Variants in ARID1B observed in about 807,000 individuals in gnomAD.
The protein encoded by ARID1B is AT-rich interactive domain-containing protein 1B.
Under a neutral mutation model 212.3 loss-of-function variants are expected in ARID1B, and 30 were observed. The observed-to-expected ratio is 0.14, with a 90% CI of 0.11 to 0.19. The LOEUF is 0.19. Among genes scored for constraint, ARID1B ranks in the 10% least tolerant of loss-of-function variants. The pLI is 1.00. For missense variants in ARID1B, 2,891 were observed against 3,204.0 expected (o/e 0.90, Z 2.36); for synonymous variants, 1,402 against 1,301.7 (o/e 1.08, Z -1.66).
chr6:156,862,044 G>C (rs1785369606), intron 2 of ARID1B, among the ~76,000 whole-genome samples: 1 of 152,250 alleles, frequency 6.6e-6, no homozygotes, highest in South Asian at 2.1e-4. Context: ...GGAGGAACAG[G>C]TCTAAGGGAA....
chr6:157,200,486 G>T lies in ARID1B; in HGVS notation c.4480-219G>T, dbSNP rs923785282. Among the ~76,000 whole-genome samples the T allele has an allele frequency of 6.6e-6, 1 of 151,944 alleles. No individual in the cohort carries two copies. Among genetic ancestry groups the T allele is most frequent in the Non-Finnish European group, 1.5e-5 (1 of 67,956 alleles). On this transcript the variant is annotated intron_variant, in intron 17 of 19. Transcript: ENST00000636930. This position sits in a 1 kb window ranked among gnomAD's most constrained non-coding sequence, Gnocchi z 4.3. ...TTTTTCCACAGGAAGTTTCAAACAC[G>T]TGAAAACAAACTTTGGATGCTCTCT...
At position 156,778,220 on chromosome 6, in the gene ARID1B, C is replaced by T. The variant is rs2114966451; in HGVS notation, c.540C>T (p.Ala180=). Residue 180 remains alanine, a synonymous_variant, in exon 1 of 20, where the codon GCC becomes GCT. Transcript: ENST00000636930. The part of the protein sequence containing the change: ...HHHAHHHHHH[A]HHLHHHHALQ... The stretch of plus-strand genomic sequence containing the variant: ...ATGCCCACCACCACCACCACCATGC[C>T]CACCACCTCCACCACCACCACGCAC... 2.6e-6 allele frequency: 4 copies of T among 1,539,924 alleles called. No individual in the cohort carries two copies. Among genetic ancestry groups the T allele is most frequent in the East Asian group, 2.4e-5 (1 of 40,832 alleles).
chr6:156,902,081 T>A (rs1562472567), intron 3 of ARID1B: 1 of 153,946 alleles, frequency 6.5e-6, no homozygotes, highest in South Asian at 2.0e-4. Context: ...ATCAAGCAGT[T>A]TCTAGTTTAA....
chr6:157,162,986 T>TG (rs991393454), intron 8 of ARID1B, among the ~76,000 whole-genome samples: 1 of 152,190 alleles, frequency 6.6e-6, no homozygotes, highest in Non-Finnish European at 1.5e-5. Context: ...CCCAAGGGTC[T>TG]GGGGGGAGGC....
intron 4 of ARID1B, among the ~76,000 whole-genome samples, chr6:157,067,735 C>T (rs1293858299): frequency 2.6e-5 from 4 of 152,164 alleles, no homozygotes; most frequent in African/African-American, 4.8e-5. Context: ...AATATGCACT[C>T]GTTCTGCGTA....
chr6:157,121,954 A>G (rs1562635401), intron 6 of ARID1B, among the ~76,000 whole-genome samples: 1 of 152,128 alleles, frequency 6.6e-6, no homozygotes, highest in Non-Finnish European at 1.5e-5. Flanking sequence ...TAAACTAGGT[A>G]AAGTCTCCGC....
intron 4 of ARID1B, among the ~76,000 whole-genome samples, chr6:156,986,052 A>G (rs759841993): frequency 1.1e-4 from 15 of 138,892 alleles, no homozygotes; most frequent in Non-Finnish European, 2.0e-4. Flanking sequence ...AAATTCCTTT[A>G]CTTGGAAGGC....
chr6:156,837,280 G>C (rs1444513050), intron 2 of ARID1B, among the ~76,000 whole-genome samples: 1 of 152,136 alleles, frequency 6.6e-6, no homozygotes, highest in Non-Finnish European at 1.5e-5. Context: ...GACATTCTTG[G>C]AATCACAAAA....
Position 157,084,818 on chromosome 6 carries a change from C to A in ARID1B, c.2404C>A (p.Pro802Thr), listed in dbSNP as rs768277043. 1.2e-6 allele frequency: 2 copies of A among 1,614,146 alleles called. No homozygotes were observed. The highest frequency in any genetic ancestry group is 1.7e-6 in the Non-Finnish European group (2 of 1,179,994). Residue 802 changes from proline (P) to threonine (T), a missense_variant, in exon 5 of 20, where the codon CCG becomes ACG. Transcript: ENST00000636930. ...TGCGTCCCCTCATCTCTCCAGCATC[C>A]CGGGGGGCCCATCTCCCTCTCCTGT... ...PHASPHLSSIPGGPSPSPVGS... is the reference protein window; with the variant it reads ...PHASPHLSSITGGPSPSPVGS...
intron 4 of ARID1B, among the ~76,000 whole-genome samples, chr6:157,047,272 T>A (rs572820181): frequency 6.6e-5 from 10 of 152,298 alleles, no homozygotes; most frequent in Middle Eastern, 6.8e-3. Context: ...TTTGTGGAGC[T>A]TAACTGACAT....
chr6:157,179,857 T>G (rs1292870364), intron 11 of ARID1B, among the ~76,000 whole-genome samples: 1 of 152,216 alleles, frequency 6.6e-6, no homozygotes, highest in Non-Finnish European at 1.5e-5. Context: ...TCAATGGCAG[T>G]CATGTTAGTT....
intron 13 of ARID1B, among the ~76,000 whole-genome samples, chr6:157,188,413 G>A (rs1310612887): frequency 1.3e-5 from 2 of 152,224 alleles, no homozygotes; most frequent in African/African-American, 2.4e-5. Context: ...GAGGCTTTCC[G>A]AGTAGAAATA....
intron 4 of ARID1B, among the ~76,000 whole-genome samples, chr6:156,951,138 C>G (rs954169522): frequency 2.6e-5 from 4 of 152,120 alleles, no homozygotes; most frequent in African/African-American, 9.7e-5. Context: ...CCACTTTTAA[C>G]TGAAAGAGTC....
intron 1 of ARID1B, among the ~76,000 whole-genome samples, chr6:156,820,079 C>T (rs573265852): frequency 9.2e-5 from 14 of 151,876 alleles, no homozygotes; most frequent in Non-Finnish European, 7.4e-5. Context: ...CAGAGAGAGG[C>T]GGAGAGGAGC....
At chr6:157,124,336 C>T (rs1302974448) in intron 6 of ARID1B, among the ~76,000 whole-genome samples, 1 of 152,232 alleles carries the variant, frequency 6.6e-6, no homozygotes, top group Non-Finnish European at 1.5e-5. Context: ...GTTTTAAAGC[C>T]TCCAGAACTT....
At chr6:156,846,367 A>T (rs1784233789) in intron 2 of ARID1B, among the ~76,000 whole-genome samples, 1 of 148,364 alleles carries the variant, frequency 6.7e-6, no homozygotes, top group East Asian at 2.0e-4. Context: ...GGGTTTCACC[A>T]TGTTGGCCAG....
intron 4 of ARID1B, among the ~76,000 whole-genome samples, chr6:156,960,056 G>A (rs971941597): frequency 6.6e-6 from 1 of 151,136 alleles, no homozygotes; most frequent in Non-Finnish European, 1.5e-5. Context: ...TCAGCCTCCT[G>A]AGTAGCTGGG....
Position 156,778,686 on chromosome 6 carries a change from G to C in ARID1B, c.1006G>C (p.Asp336His). ...GPGGRAGPCF[D>H]QHGGQQSPGM... ...CGGCGGCCGCGCTGGGCCTTGCTTT[G>C]ATCAACATGGCGGACAACAAAGCCC... The change falls in exon 1 of 20, where the codon GAT becomes CAT. Residue 336 changes from aspartate to histidine, a missense_variant. Physicochemically the swap from Asp to His is moderately conservative, Grantham distance 81 (BLOSUM62 -1). Transcript: ENST00000636930. 6.6e-7 allele frequency: 1 copy of C among 1,517,134 alleles called. No individual in the cohort carries two copies. The highest frequency in any genetic ancestry group is 1.4e-5 in the African/African-American group (1 of 70,286). The allele number at this position is 1,517,134 out of a possible 1,614,324, so 94.0% of individuals were successfully genotyped here. A position where few individuals can be genotyped will look rare whatever the true frequency, so the allele number is the denominator to read the frequency against.
intron 4 of ARID1B, chr6:157,071,101 G>A (rs912442963): frequency 2.6e-5 from 4 of 152,116 alleles, no homozygotes; most frequent in African/African-American, 9.7e-5. Flanking sequence ...GTCTTCGTAT[G>A]TTTATTTTTA....
Sources: allele counts gnomAD v4.1 joint callset (sites outside exome capture counted in the v4.1 genomes callset), GRCh38; gene constraint gnomAD v4.1.1; non-coding constraint Gnocchi (gnomAD v3.1); transcripts MANE v1.5; gene names NCBI Gene and HGNC (gene_info 2026-07-23, HGNC 2026-07-21).